Variants in PLCE1 observed in about 807,000 individuals in gnomAD.
PLCE1 encodes the protein 1-phosphatidylinositol 4,5-bisphosphate phosphodiesterase epsilon-1.
In PLCE1, 119 loss-of-function variants were observed where a neutral mutation model predicts 242.8. The observed-to-expected ratio is 0.49, with a 90% CI of 0.42 to 0.57. The LOEUF (loss-of-function observed/expected upper bound fraction) is 0.57. PLCE1 is among the 20% of genes least tolerant of loss of function. PLCE1 has a pLI of 0.00. For missense variants in PLCE1, 2,441 were observed against 2,788.8 expected, an observed-to-expected ratio of 0.88 and a Z score of 2.81; for synonymous variants, 945 against 1,017.4, an observed-to-expected ratio of 0.93 and a Z score of 1.35.
intron 7 of PLCE1, among the ~76,000 whole-genome samples, chr10:94,244,043 T>C (rs1162843934): frequency 1.3e-5 from 2 of 152,210 alleles, no homozygotes; most frequent in East Asian, 1.9e-4. Flanking sequence ...TTATTTCTGG[T>C]ATGGGGCTCT....
At chr10:94,223,162 G>A (rs756317010) in intron 4 of PLCE1, among the ~76,000 whole-genome samples, 53 of 150,124 alleles carry the variant, frequency 3.5e-4, no homozygotes, top group Non-Finnish European at 6.2e-4. Flanking sequence ...CTATGGAAGC[G>A]GAAGCGGGAG....
chr10:94,137,355 T>C (rs1429350101), intron 3 of PLCE1, among the ~76,000 whole-genome samples: 4 of 152,222 alleles, frequency 2.6e-5, no homozygotes, highest in African/African-American at 9.7e-5. Flanking sequence ...GCTTTTTCTT[T>C]TCTTTTAATG....
Position 94,132,160 on chromosome 10 carries a change from T to C in PLCE1, c.1207-14T>C, listed in dbSNP as rs374608053. The stretch of plus-strand genomic sequence containing the variant: ...AACTAGATTAATACTTCCTGTACTT[T>C]GTGCTATTCACAGATCTACAATGCA... On this transcript the variant is annotated splice_polypyrimidine_tract_variant and intron_variant, in intron 2 of 32. Transcript: ENST00000371380. 1 of 1,612,768 alleles carries C rather than the reference T, an allele frequency of 6.2e-7. No individual in the cohort carries two copies.
Position 94,030,878 on chromosome 10 carries a change from AATTT to A in PLCE1, c.-164_-161del. On this transcript the variant is annotated 5_prime_UTR_variant, in exon 2 of 33. Coordinates refer to ENST00000371380, the MANE Select transcript of PLCE1 (RefSeq NM_016341.4). ...CATGATAGGAAGTTATAACTAAGAA[AATTT>A]ATTTGCCTCTTAATGCTCCTGAATG... 1.5e-6 allele frequency: 1 copy of A among 668,264 alleles called. No homozygotes were observed. The highest frequency in any genetic ancestry group is 2.6e-6 in the Non-Finnish European group (1 of 383,808). The allele number at this position is 668,264 out of a possible 1,614,324, so 41.4% of individuals were successfully genotyped here.
chr10:94,270,623 C>A (rs753425240), intron 18 of PLCE1, 21 bp downstream of exon 18: 9 of 1,385,930 alleles, frequency 6.5e-6, no homozygotes, highest in Admixed American at 1.7e-5. Flanking sequence ...AACAAAAAGG[C>A]AGGATGGTAT....
At chr10:94,235,128 G>A (rs1386724140) in intron 6 of PLCE1, among the ~76,000 whole-genome samples, 1 of 149,468 alleles carries the variant, frequency 6.7e-6, no homozygotes, top group Admixed American at 6.7e-5. Context: ...TCTCCATGGA[G>A]TGGGAAGACT....
At chr10:94,271,886 C>T in intron 18 of PLCE1, among the ~76,000 whole-genome samples, 1 of 152,112 alleles carries the variant, frequency 6.6e-6, no homozygotes, top group Non-Finnish European at 1.5e-5. Flanking sequence ...ATGATGCCCA[C>T]CTGAGCCGCA....
chr10:94,209,688 A>C (rs1311960818), intron 4 of PLCE1, among the ~76,000 whole-genome samples: 1 of 152,250 alleles, frequency 6.6e-6, no homozygotes, highest in African/African-American at 2.4e-5. Flanking sequence ...GTGGAACAGC[A>C]AGGGATATGT....
At chr10:94,258,962 C>T (rs746661781) in intron 12 of PLCE1, 40 bp downstream of exon 12, 1 of 1,614,068 alleles carries the variant, frequency 6.2e-7, no homozygotes, top group Non-Finnish European at 8.5e-7. Context: ...TCTCAGGCCC[C>T]CCCATTTCTA....
intron 1 of PLCE1, among the ~76,000 whole-genome samples, chr10:93,997,766 C>T (rs2060856029): frequency 6.7e-6 from 1 of 150,116 alleles, no homozygotes; most frequent in South Asian, 2.1e-4. Context: ...GATAGTTCAA[C>T]CACCGTAATA....
chr10:94,181,962 A>G (rs1349055376), intron 4 of PLCE1, among the ~76,000 whole-genome samples: 2 of 152,212 alleles, frequency 1.3e-5, no homozygotes, highest in Admixed American at 6.5e-5. Context: ...TTCACGAGAT[A>G]ACGCTGATGC....
intron 2 of PLCE1, among the ~76,000 whole-genome samples, chr10:94,075,452 G>T (rs553421265): frequency 6.6e-6 from 1 of 152,338 alleles, no homozygotes; most frequent in East Asian, 1.9e-4. Flanking sequence ...AAAATTAGGT[G>T]ACAAATTTGT....
At chr10:93,997,382 A>G (rs904969978) in intron 1 of PLCE1, among the ~76,000 whole-genome samples, 7 of 152,256 alleles carry the variant, frequency 4.6e-5, no homozygotes, top group African/African-American at 1.7e-4. Flanking sequence ...CAAAATCCAT[A>G]AAGCTTCTGA....
At chr10:94,188,707 A>G (rs1208330701) in intron 4 of PLCE1, among the ~76,000 whole-genome samples, 1 of 152,128 alleles carries the variant, frequency 6.6e-6, no homozygotes, top group Non-Finnish European at 1.5e-5. Context: ...CTGGGTTCAA[A>G]CAGTTCTCCT....
At chr10:94,315,314 G>A in intron 28 of PLCE1, 1 of 431,096 alleles carries the variant, frequency 2.3e-6, no homozygotes, top group South Asian at 1.7e-5. Flanking sequence ...CTTATTGGCA[G>A]GGGCCTGAGG....
chr10:94,249,050 T>A (rs1007553713), intron 8 of PLCE1, among the ~76,000 whole-genome samples: 6 of 151,380 alleles, frequency 4.0e-5, no homozygotes, highest in Non-Finnish European at 5.9e-5. Flanking sequence ...AGCTCCACCC[T>A]CCCCCACCAC....
intron 2 of PLCE1, among the ~76,000 whole-genome samples, chr10:94,116,161 T>C (rs2046123345): frequency 2.0e-5 from 3 of 152,202 alleles, no homozygotes; most frequent in Non-Finnish European, 4.4e-5. Flanking sequence ...GGTGATTCTG[T>C]CGTCATCACC....
intron 3 of PLCE1, among the ~76,000 whole-genome samples, chr10:94,146,710 G>C (rs1192392964): frequency 6.6e-6 from 1 of 152,162 alleles, no homozygotes; most frequent in Non-Finnish European, 1.5e-5. Flanking sequence ...TCTTCGAGTG[G>C]GTTAATGTCT....
At chr10:94,011,261 G>A (rs1424978316) in intron 1 of PLCE1, among the ~76,000 whole-genome samples, 6 of 152,130 alleles carry the variant, frequency 3.9e-5, no homozygotes, top group African/African-American at 1.4e-4. Flanking sequence ...AGAGAAGGGG[G>A]AGGTTCCAGA....
Sources: gnomAD v4.1 joint callset for allele counts (sites outside exome capture counted in the v4.1 genomes callset) on GRCh38, gnomAD v4.1.1 for gene constraint, MANE v1.5 for transcripts, NCBI Gene and HGNC (gene_info 2026-07-23, HGNC 2026-07-21) for gene names.